The following KHDRBS2 variants were observed in gnomAD, a reference collection of about 807,000 sequenced individuals.
The protein encoded by KHDRBS2 is KH RNA binding domain containing, signal transduction associated 2.
KHDRBS2 carries 26 observed loss-of-function variants against 44.3 expected under a neutral mutation model. That is an observed-to-expected ratio of 0.59 (90% CI 0.43 to 0.81). The LOEUF is 0.81. Ranked by LOEUF, KHDRBS2 falls within the 40% of genes least tolerant of loss-of-function variation. KHDRBS2 has a pLI of 0.00. For missense variants in KHDRBS2, 476 were observed against 433.1 expected, an observed-to-expected ratio of 1.10 and a Z score of -0.88; for synonymous variants, 194 against 151.1, an observed-to-expected ratio of 1.28 and a Z score of -2.08.
the KHDRBS2 span, among the ~76,000 whole-genome samples, chr6:61,653,845 A>T: frequency 6.6e-6 from 1 of 151,888 alleles, no homozygotes; most frequent in African/African-American, 2.4e-5. Flanking sequence ...GGTATACAGA[A>T]AAATGGTGAA....
intron 6 of KHDRBS2, among the ~76,000 whole-genome samples, chr6:61,808,895 G>A (rs2127591950): frequency 6.6e-6 from 1 of 151,190 alleles, no homozygotes; most frequent in South Asian, 2.1e-4. Flanking sequence ...TATATAAAAG[G>A]AATAAAGGGA....
At chr6:61,825,954 A>C (rs1454454307) in intron 6 of KHDRBS2, among the ~76,000 whole-genome samples, 1 of 152,182 alleles carries the variant, frequency 6.6e-6, no homozygotes, top group Non-Finnish European at 1.5e-5. Flanking sequence ...ATAACTTTGT[A>C]AGAAGCAGTG....
At chr6:61,609,871 A>C in the KHDRBS2 span, among the ~76,000 whole-genome samples, 3 of 152,198 alleles carry the variant, frequency 2.0e-5, no homozygotes, top group Admixed American at 6.5e-5. Context: ...ACGATGTTCC[A>C]GTTTAAAAAT....
downstream of KHDRBS2, among the ~76,000 whole-genome samples, chr6:61,679,346 C>T (rs1158737852): frequency 2.0e-5 from 3 of 151,756 alleles, no homozygotes; most frequent in Non-Finnish European, 2.9e-5. Flanking sequence ...AATTTTGGTG[C>T]CTCTAGTTAA....
intron 2 of KHDRBS2, among the ~76,000 whole-genome samples, chr6:62,059,510 GGGAATATGAAGA>G (rs2127324480): frequency 6.6e-6 from 1 of 151,622 alleles, no homozygotes; most frequent in East Asian, 2.0e-4. Context: ...TTAAGTTGGA[GGGAATATGAAGA>G]GAGTAGTGTG....
intron 7 of KHDRBS2, among the ~76,000 whole-genome samples, chr6:61,712,584 C>G (rs1582317956): frequency 6.6e-6 from 1 of 151,810 alleles, no homozygotes; most frequent in Non-Finnish European, 1.5e-5. Flanking sequence ...GGACAGAAAC[C>G]AGTTTAAAGT....
At chr6:62,123,301 A>G (rs1436290089) in intron 2 of KHDRBS2, among the ~76,000 whole-genome samples, 1 of 152,162 alleles carries the variant, frequency 6.6e-6, no homozygotes, top group Non-Finnish European at 1.5e-5. Context: ...TCTATCATTG[A>G]TGGACATTTG....
intron 1 of KHDRBS2, among the ~76,000 whole-genome samples, chr6:62,198,740 G>C (rs1409803177): frequency 6.6e-6 from 1 of 152,150 alleles, no homozygotes; most frequent in Non-Finnish European, 1.5e-5. Flanking sequence ...ATTTTATGAG[G>C]CCAGCAACAT....
At chr6:61,855,362 A>G (rs1795996843) in intron 6 of KHDRBS2, among the ~76,000 whole-genome samples, 1 of 151,920 alleles carries the variant, frequency 6.6e-6, no homozygotes. Context: ...TCTGACCATT[A>G]CTAGTTGTTT....
At chr6:61,961,440 GAA>G (rs1768691065) in intron 4 of KHDRBS2, among the ~76,000 whole-genome samples, 1 of 146,378 alleles carries the variant, frequency 6.8e-6, no homozygotes, top group African/African-American at 2.4e-5. Context: ...GAGAAAGAAA[GAA>G]AGAGAAAAAA....
intron 6 of KHDRBS2, among the ~76,000 whole-genome samples, chr6:61,819,314 A>C (rs528010721): frequency 6.6e-6 from 1 of 152,192 alleles, no homozygotes; most frequent in East Asian, 1.9e-4. Context: ...TTAAATAAAA[A>C]CATTTCAATA....
intron 4 of KHDRBS2, 53 bp from the exon 5 acceptor site, chr6:61,901,424 A>C: frequency 7.4e-7 from 1 of 1,354,240 alleles, no homozygotes; most frequent in East Asian, 2.5e-5. Context: ...CCGTTCTCAG[A>C]GTTGGAAAAA....
chr6:62,187,978 A>G (rs1187942705), intron 1 of KHDRBS2, among the ~76,000 whole-genome samples: 1 of 151,992 alleles, frequency 6.6e-6, no homozygotes, highest in Non-Finnish European at 1.5e-5. Context: ...GCTTTTGGTC[A>G]TGGCGAAAAG....
intron 1 of KHDRBS2, among the ~76,000 whole-genome samples, chr6:62,182,242 A>G (rs1822466265): frequency 6.6e-6 from 1 of 152,050 alleles, no homozygotes; most frequent in South Asian, 2.1e-4. Flanking sequence ...ATAAATTTAT[A>G]TATGAGGAAT....
the KHDRBS2 span, among the ~76,000 whole-genome samples, chr6:61,674,618 C>G: frequency 1.3e-5 from 2 of 151,656 alleles, no homozygotes; most frequent in South Asian, 2.1e-4. Flanking sequence ...ATGCTATATA[C>G]CCTTATATCA....
At chr6:61,858,475 T>A (rs1796460241) in intron 6 of KHDRBS2, among the ~76,000 whole-genome samples, 1 of 151,978 alleles carries the variant, frequency 6.6e-6, no homozygotes, top group African/African-American at 2.4e-5. Flanking sequence ...AAATTTTAAC[T>A]GAAAATGTTT....
intron 2 of KHDRBS2, among the ~76,000 whole-genome samples, chr6:62,107,331 C>T (rs1318553088): frequency 6.6e-6 from 1 of 152,178 alleles, no homozygotes; most frequent in Non-Finnish European, 1.5e-5. Flanking sequence ...CATGAGTGAA[C>T]TCCCATTCAC....
At chr6:61,796,119 C>T (rs1266411107) in intron 6 of KHDRBS2, among the ~76,000 whole-genome samples, 1 of 151,938 alleles carries the variant, frequency 6.6e-6, no homozygotes, top group Non-Finnish European at 1.5e-5. Flanking sequence ...GATTTAAATT[C>T]CATTTTCTAG....
intron 1 of KHDRBS2, among the ~76,000 whole-genome samples, chr6:62,260,942 G>A (rs1838235148): frequency 6.6e-6 from 1 of 151,872 alleles, no homozygotes. Flanking sequence ...TTGTTTCCCA[G>A]TATCCTTTTT....
Sources: gnomAD v4.1 joint callset for allele counts (sites outside exome capture counted in the v4.1 genomes callset) on GRCh38, gnomAD v4.1.1 for gene constraint, MANE v1.5 for transcripts, NCBI Gene and HGNC (gene_info 2026-07-23, HGNC 2026-07-21) for gene names.